PIP4K2A: variants seen among roughly 807,000 people sequenced by gnomAD.
The protein encoded by PIP4K2A is phosphatidylinositol 5-phosphate 4-kinase type-2 alpha.
A neutral mutation model predicts 42.9 loss-of-function variants in PIP4K2A; 14 were observed. That is an observed-to-expected ratio of 0.33 (90% CI 0.22 to 0.51). The LOEUF (loss-of-function observed/expected upper bound fraction) is 0.51, where lower values mean the gene tolerates loss of function less well. Ranked by LOEUF, PIP4K2A falls within the 20% of genes least tolerant of loss-of-function variation. The pLI is 0.97. For missense variants in PIP4K2A, 434 were observed against 519.8 expected, an observed-to-expected ratio of 0.83 and a Z score of 1.61; for synonymous variants, 192 against 192.2, an observed-to-expected ratio of 1.00 and a Z score of 0.01.
chr10:22,621,145 C>A (rs973602349), intron 1 of PIP4K2A, among the ~76,000 whole-genome samples: 2 of 152,190 alleles, frequency 1.3e-5, no homozygotes, highest in African/African-American at 2.4e-5. Context: ...ATAAGAGCCA[C>A]GTGCAGATGA....
At chr10:22,667,901 G>A (rs1178105685) in intron 1 of PIP4K2A, among the ~76,000 whole-genome samples, 1 of 113,316 alleles carries the variant, frequency 8.8e-6, no homozygotes, top group Non-Finnish European at 2.1e-5. Flanking sequence ...GTGTGTGTGT[G>A]TGTGTGTGTG....
intron 1 of PIP4K2A, among the ~76,000 whole-genome samples, chr10:22,613,308 A>G (rs1188619050): frequency 6.6e-6 from 1 of 152,134 alleles, no homozygotes; most frequent in East Asian, 1.9e-4. Flanking sequence ...GCAGGGAAGG[A>G]CAGGAGCGAG....
intron 7 of PIP4K2A, among the ~76,000 whole-genome samples, chr10:22,547,159 CCGTGTTCTACCACAT>C (rs1239331648): frequency 1.3e-5 from 2 of 152,198 alleles, no homozygotes; most frequent in Non-Finnish European, 2.9e-5. Flanking sequence ...TACTAACACA[CCGTGTTCTACCACAT>C]CACCATCTCC....
intron 1 of PIP4K2A, chr10:22,661,793 T>C (rs1839210325): frequency 1.3e-5 from 2 of 152,228 alleles, no homozygotes; most frequent in Admixed American, 1.3e-4. Context: ...AATCGGTAAA[T>C]GAATATATTA....
chr10:22,644,103 T>C (rs1208885430), intron 1 of PIP4K2A, among the ~76,000 whole-genome samples: 1 of 152,136 alleles, frequency 6.6e-6, no homozygotes, highest in Non-Finnish European at 1.5e-5. Flanking sequence ...TGAAGTCCTG[T>C]TCTCCCCTGG....
chr10:22,713,682 C>T lies in PIP4K2A; in HGVS notation c.144+501G>A, dbSNP rs566971572. Among the ~76,000 whole-genome samples, 52 of 152,310 alleles carry T rather than the reference C, an allele frequency of 3.4e-4. 1 individual carries two copies. Among genetic ancestry groups the T allele is most frequent in the African/African-American group, 1.3e-3 (52 of 41,574 alleles). Reference sequence around the variant, plus strand: ...CTGCTCGCGCTCCGGTATCCTCGCCCCAGTGCCCCAGTGGGAGGCTCGCAC... The same window carrying T: ...CTGCTCGCGCTCCGGTATCCTCGCCTCAGTGCCCCAGTGGGAGGCTCGCAC... On this transcript the variant is annotated intron_variant, in intron 1 of 9. Transcript: ENST00000376573.
At chr10:22,552,410 C>A (rs919472773) in intron 6 of PIP4K2A, among the ~76,000 whole-genome samples, 1 of 152,082 alleles carries the variant, frequency 6.6e-6, no homozygotes, top group African/African-American at 2.4e-5. Flanking sequence ...TGTCAGGATG[C>A]GCCTGCTAGA....
intron 5 of PIP4K2A, 72 bp from the exon 6 acceptor site, chr10:22,567,961 T>C (rs1836889480): frequency 9.4e-6 from 13 of 1,378,102 alleles, no homozygotes; most frequent in East Asian, 2.3e-5. Flanking sequence ...AATATGAAAA[T>C]GGCTCCAGGC....
intron 1 of PIP4K2A, among the ~76,000 whole-genome samples, chr10:22,668,009 T>C (rs935318979): frequency 3.3e-5 from 5 of 151,840 alleles, no homozygotes; most frequent in African/African-American, 1.2e-4. Context: ...TGGACTGTAA[T>C]GGCATGGTCT....
At chr10:22,609,437 A>G (rs1025818569) in intron 2 of PIP4K2A, among the ~76,000 whole-genome samples, 183 bp downstream of exon 2, 1 of 152,270 alleles carries the variant, frequency 6.6e-6, no homozygotes, top group Admixed American at 6.5e-5. Context: ...GGCAAAGGAT[A>G]TTATCCCAGA....
At chr10:22,592,456 G>C (rs1174406764) in intron 3 of PIP4K2A, among the ~76,000 whole-genome samples, 1 of 152,168 alleles carries the variant, frequency 6.6e-6, no homozygotes, top group Non-Finnish European at 1.5e-5. Flanking sequence ...AGGAGCCTGG[G>C]AGAGTGTCTT....
At chr10:22,601,466 T>A (rs543548241) in intron 3 of PIP4K2A, among the ~76,000 whole-genome samples, 2 of 152,304 alleles carry the variant, frequency 1.3e-5, no homozygotes, top group African/African-American at 4.8e-5. Context: ...GGCTGTCCAA[T>A]CAGAGAGGGG....
intron 1 of PIP4K2A, among the ~76,000 whole-genome samples, chr10:22,677,490 T>C (rs545961111): frequency 6.6e-6 from 1 of 152,294 alleles, no homozygotes; most frequent in South Asian, 2.1e-4. Context: ...TCCCTGCAGA[T>C]AGCCACAAGG....
chr10:22,664,090 C>CGT (rs1425281380), intron 1 of PIP4K2A, among the ~76,000 whole-genome samples: 11 of 64,024 alleles, frequency 1.7e-4, no homozygotes, highest in African/African-American at 1.6e-3. Context: ...TATATATATA[C>CGT]ATATATATAT....
At chr10:22,641,375 A>T (rs143770430) in intron 1 of PIP4K2A, among the ~76,000 whole-genome samples, 1 of 152,200 alleles carries the variant, frequency 6.6e-6, no homozygotes, top group African/African-American at 2.4e-5. Context: ...TGACATTGAC[A>T]TAAGAGTGAA....
intron 4 of PIP4K2A, among the ~76,000 whole-genome samples, chr10:22,582,416 A>G (rs1837300104): frequency 6.6e-6 from 1 of 152,150 alleles, no homozygotes; most frequent in South Asian, 2.1e-4. Context: ...TGAAGCAGAA[A>G]GGGTTCTAAG....
At chr10:22,609,900 T>C (rs1292174466) in intron 1 of PIP4K2A, among the ~76,000 whole-genome samples, 183 bp from the exon 2 acceptor site, 1 of 152,048 alleles carries the variant, frequency 6.6e-6, no homozygotes, top group African/African-American at 2.4e-5. Context: ...TCCCACTTCT[T>C]ATGTCTGTCT....
chr10:22,664,260 T>TAC (rs1373982645), intron 1 of PIP4K2A, among the ~76,000 whole-genome samples: 2 of 138,904 alleles, frequency 1.4e-5, no homozygotes, highest in Non-Finnish European at 3.1e-5. Context: ...CATATATATA[T>TAC]ACACACACAT....
intron 1 of PIP4K2A, among the ~76,000 whole-genome samples, chr10:22,651,200 T>C (rs769252807): frequency 1.5e-4 from 23 of 152,176 alleles, no homozygotes; most frequent in Non-Finnish European, 2.6e-4. Flanking sequence ...ACTCACTAAG[T>C]CTGTCCACCA....
Sources: gnomAD v4.1 joint callset for allele counts (sites outside exome capture counted in the v4.1 genomes callset) on GRCh38, gnomAD v4.1.1 for gene constraint, MANE v1.5 for transcripts, NCBI Gene and HGNC (gene_info 2026-07-23, HGNC 2026-07-21) for gene names.